The following DCDC1 variants were observed in gnomAD, a reference collection of about 807,000 sequenced individuals.
The protein encoded by DCDC1 is doublecortin domain-containing protein 1.
Under a neutral mutation model 178.3 loss-of-function variants are expected in DCDC1, and 200 were observed. The observed-to-expected ratio is 1.12, with a 90% CI of 1.00 to 1.26. The LOEUF (loss-of-function observed/expected upper bound fraction) is 1.26. DCDC1 is among the 50% of genes most tolerant of loss of function. The pLI, the probability that DCDC1 is intolerant of heterozygous loss-of-function variation, is 0.00. For synonymous variants in DCDC1, 690 were observed against 604.8 expected (o/e 1.14, Z -2.07); for missense variants, 1,983 against 1,749.2 (o/e 1.13, Z -2.38).
At chr11:31,189,657 G>T (rs1323180020) in intron 9 of DCDC1, among the ~76,000 whole-genome samples, 2 of 152,054 alleles carry the variant, frequency 1.3e-5, no homozygotes, top group Admixed American at 1.3e-4. Context: ...TTCCTTCACT[G>T]GTGGCCCCTC....
chr11:31,113,931 T>C (rs1959424121), intron 11 of DCDC1, among the ~76,000 whole-genome samples: 2 of 152,158 alleles, frequency 1.3e-5, no homozygotes, highest in Admixed American at 1.3e-4. Flanking sequence ...TGGAAAAATA[T>C]TCTACCAATT....
Position 30,881,157 on chromosome 11 carries a change from C to T in DCDC1, c.5233+1G>A. 6.2e-7 allele frequency: 1 copy of T among 1,612,964 alleles called. No individual in the cohort carries two copies. The highest frequency in any genetic ancestry group is 8.5e-7 in the Non-Finnish European group (1 of 1,179,360). On this transcript the variant is annotated splice_donor_variant, in intron 37 of 38. Coordinates refer to ENST00000684477, the MANE Select transcript of DCDC1 (RefSeq NM_001387274.1). LOFTEE classifies it high-confidence loss of function. ...GATGGAAAAGAAACTATCATGCATACCTTTTGGGGTTTTGAAACCATGTCC... is the reference window on the plus strand; with the variant it reads ...GATGGAAAAGAAACTATCATGCATATCTTTTGGGGTTTTGAAACCATGTCC...
chr11:30,973,099 C>T (rs1949902972), intron 20 of DCDC1, among the ~76,000 whole-genome samples: 1 of 151,772 alleles, frequency 6.6e-6, no homozygotes, highest in African/African-American at 2.4e-5. Flanking sequence ...TGGCAAAACC[C>T]CATCTCTACT....
At chr11:31,024,425 C>A (rs12286891) in intron 20 of DCDC1, among the ~76,000 whole-genome samples, 2,255 of 151,780 alleles carry the variant, frequency 0.015, 46 homozygotes, top group African/African-American at 0.051. Flanking sequence ...TGTAAAAATA[C>A]ATATCATAAT....
At chr11:31,133,860 T>C (rs992002790) in intron 10 of DCDC1, among the ~76,000 whole-genome samples, 3 of 152,132 alleles carry the variant, frequency 2.0e-5, no homozygotes, top group Non-Finnish European at 4.4e-5. Flanking sequence ...TGCACCAGCA[T>C]GCTCAGCTAA....
intron 20 of DCDC1, among the ~76,000 whole-genome samples, chr11:31,045,063 C>T (rs753611207): frequency 3.9e-5 from 6 of 151,978 alleles, no homozygotes; most frequent in South Asian, 2.1e-4. Flanking sequence ...TTTTACAAGA[C>T]GTATAGGCAT....
At chr11:30,959,276 A>C (rs914016870) in intron 20 of DCDC1, among the ~76,000 whole-genome samples, 3 of 152,142 alleles carry the variant, frequency 2.0e-5, no homozygotes, top group African/African-American at 4.8e-5. Flanking sequence ...TTATTCTCCT[A>C]TAAGATAGGG....
chr11:31,103,389 T>C (rs1485216182), intron 14 of DCDC1, among the ~76,000 whole-genome samples: 1 of 152,196 alleles, frequency 6.6e-6, no homozygotes, highest in East Asian at 1.9e-4. Flanking sequence ...TCAAACCAAA[T>C]TGTTGTTTCT....
intron 9 of DCDC1, among the ~76,000 whole-genome samples, chr11:31,152,083 TA>T (rs1965230167): frequency 6.6e-6 from 1 of 152,184 alleles, no homozygotes; most frequent in Admixed American, 6.5e-5. Context: ...ATTTGTCAAT[TA>T]AAAATAAAAT....
chr11:30,935,759 G>A (rs1412295456), intron 21 of DCDC1, among the ~76,000 whole-genome samples: 1 of 152,116 alleles, frequency 6.6e-6, no homozygotes, highest in Non-Finnish European at 1.5e-5. Context: ...TCACCATGTT[G>A]GTCAGGCTGG....
intron 20 of DCDC1, among the ~76,000 whole-genome samples, chr11:30,990,536 C>T (rs949686039): frequency 1.3e-5 from 2 of 152,136 alleles, no homozygotes; most frequent in Admixed American, 1.3e-4. Flanking sequence ...ACACTGGAGA[C>T]ACTCAGAAAT....
chr11:31,032,625 AT>A (rs1297744357), intron 20 of DCDC1, among the ~76,000 whole-genome samples: 1 of 152,182 alleles, frequency 6.6e-6, no homozygotes, highest in Non-Finnish European at 1.5e-5. Context: ...TGAAGGTGTA[AT>A]TGAGGTAACC....
chr11:30,923,706 C>T (rs1277199083), intron 23 of DCDC1, among the ~76,000 whole-genome samples: 1 of 151,744 alleles, frequency 6.6e-6, no homozygotes, highest in Non-Finnish European at 1.5e-5. Context: ...GCAACCTCTG[C>T]CTCCAGGGCT....
At chr11:31,094,655 C>T (rs1198885142) in intron 15 of DCDC1, among the ~76,000 whole-genome samples, 1 of 152,066 alleles carries the variant, frequency 6.6e-6, no homozygotes, top group South Asian at 2.1e-4. Flanking sequence ...AAAGGTATTC[C>T]AAGTAAAGGC....
At chr11:31,366,719 T>A (rs1205260016) in intron 1 of DCDC1, among the ~76,000 whole-genome samples, 1 of 152,196 alleles carries the variant, frequency 6.6e-6, no homozygotes, top group Non-Finnish European at 1.5e-5. Flanking sequence ...ACAATGATTA[T>A]TGTCAAAGAA....
chr11:31,144,497 T>C (rs1357908711), intron 9 of DCDC1, among the ~76,000 whole-genome samples: 1 of 152,190 alleles, frequency 6.6e-6, no homozygotes, highest in Non-Finnish European at 1.5e-5. Flanking sequence ...TACATAGTTG[T>C]AGCATTTATG....
chr11:31,307,836 G>A lies in DCDC1; in HGVS notation c.237C>T (p.Pro79=). 1.9e-6 allele frequency: 3 copies of A among 1,614,102 alleles called. No individual in the cohort carries two copies. Among genetic ancestry groups the A allele is most frequent in the Non-Finnish European group, 2.5e-6 (3 of 1,179,968 alleles). ...CTGCTGCTGAATGCACGAGTCTGTTGGGGCCAAACTGAGACTGCAAATAAT... is the reference window on the plus strand; with the variant it reads ...CTGCTGCTGAATGCACGAGTCTGTTAGGGCCAAACTGAGACTGCAAATAAT... ...TDDYLQSQFG[P]NRLVHSAAVS... The change falls in exon 4 of 39, where the codon CCC becomes CCT. Residue 79 remains proline, a synonymous_variant. Transcript: ENST00000684477.
intron 34 of DCDC1, among the ~76,000 whole-genome samples, chr11:30,895,351 A>G (rs918674473): frequency 1.3e-5 from 2 of 152,212 alleles, no homozygotes; most frequent in African/African-American, 2.4e-5. Flanking sequence ...CACAAGATCT[A>G]TAACAGCTCC....
chr11:31,076,335 C>T (rs1299495781), intron 18 of DCDC1, among the ~76,000 whole-genome samples: 1 of 151,508 alleles, frequency 6.6e-6, no homozygotes, highest in Non-Finnish European at 1.5e-5. Flanking sequence ...GTTCTGTTTA[C>T]TTAATTTAAT....
Sources: gnomAD v4.1 joint callset for allele counts (sites outside exome capture counted in the v4.1 genomes callset) on GRCh38, gnomAD v4.1.1 for gene constraint, MANE v1.5 for transcripts, NCBI Gene and HGNC (gene_info 2026-07-23, HGNC 2026-07-21) for gene names.